Variants in OLA1 observed in about 807,000 individuals in gnomAD.
The protein encoded by OLA1 is Obg like ATPase 1.
OLA1 carries 14 observed loss-of-function variants against 48.4 expected under a neutral mutation model. That is an observed-to-expected ratio of 0.29 (90% CI 0.19 to 0.45). OLA1 has a LOEUF of 0.45. OLA1 is among the 20% of genes least tolerant of loss of function. The pLI is 1.00. For missense variants in OLA1, 325 were observed against 467.1 expected, an observed-to-expected ratio of 0.70 and a Z score of 2.80; for synonymous variants, 127 against 150.4, an observed-to-expected ratio of 0.84 and a Z score of 1.14.
chr2:174,214,003 T>C (rs896406670), intron 4 of OLA1, among the ~76,000 whole-genome samples: 2 of 151,058 alleles, frequency 1.3e-5, no homozygotes, highest in East Asian at 3.9e-4. Flanking sequence ...AAACCTACTT[T>C]CACCAAAAAA....
At chr2:174,119,165 C>T (rs1685851129) in intron 7 of OLA1, among the ~76,000 whole-genome samples, 1 of 151,112 alleles carries the variant, frequency 6.6e-6, no homozygotes, top group South Asian at 2.1e-4. Flanking sequence ...CCTTCCATCT[C>T]CTGTAATAAA....
intron 4 of OLA1, among the ~76,000 whole-genome samples, chr2:174,157,264 A>T (rs1216489715): frequency 6.6e-6 from 1 of 152,196 alleles, no homozygotes; most frequent in East Asian, 1.9e-4. Context: ...AGCGGAACAC[A>T]ACTAGTTTCT....
At chr2:174,188,053 C>A (rs1574537869) in intron 4 of OLA1, among the ~76,000 whole-genome samples, 1 of 152,102 alleles carries the variant, frequency 6.6e-6, no homozygotes, top group East Asian at 1.9e-4. Flanking sequence ...GTTAAACGGC[C>A]AAAATGGTTC....
intron 4 of OLA1, among the ~76,000 whole-genome samples, chr2:174,207,812 C>T (rs997264153): frequency 2.0e-5 from 3 of 152,134 alleles, no homozygotes; most frequent in South Asian, 4.1e-4. Flanking sequence ...TTAAGTCTAA[C>T]ATTGCAAATA....
intron 7 of OLA1, among the ~76,000 whole-genome samples, chr2:174,120,090 C>T (rs1396648823): frequency 6.6e-6 from 1 of 151,866 alleles, no homozygotes; most frequent in Non-Finnish European, 1.5e-5. Context: ...AAGGTAGGAT[C>T]ACAAAAATGA....
chr2:174,196,730 G>A (rs1574544149), intron 4 of OLA1, among the ~76,000 whole-genome samples: 2 of 152,258 alleles, frequency 1.3e-5, no homozygotes, highest in Non-Finnish European at 1.5e-5. Context: ...TAAGACAACA[G>A]GTGGTTTATA....
intron 4 of OLA1, among the ~76,000 whole-genome samples, chr2:174,167,065 G>A (rs1226918577): frequency 6.6e-6 from 1 of 150,936 alleles, no homozygotes; most frequent in Non-Finnish European, 1.5e-5. Context: ...TGAGTAAACT[G>A]AAAAAGAAGA....
At chr2:174,173,112 C>T (rs1687345099) in intron 4 of OLA1, among the ~76,000 whole-genome samples, 1 of 152,098 alleles carries the variant, frequency 6.6e-6, no homozygotes. Flanking sequence ...TATAAATTAC[C>T]CAGCTTCAGG....
At chr2:174,140,161 G>A (rs1686410927) in intron 5 of OLA1, among the ~76,000 whole-genome samples, 1 of 152,060 alleles carries the variant, frequency 6.6e-6, no homozygotes, top group South Asian at 2.1e-4. Context: ...CAACATTAAA[G>A]AAGAATAGGT....
At chr2:174,084,556 T>C (rs563952147) in intron 7 of OLA1, among the ~76,000 whole-genome samples, 41 of 152,360 alleles carry the variant, frequency 2.7e-4, no homozygotes, top group African/African-American at 8.7e-4. Flanking sequence ...TTCAAGATTA[T>C]AGACTGAAAT....
At chr2:174,215,252 T>G (rs1287418184) in intron 4 of OLA1, among the ~76,000 whole-genome samples, 1 of 152,194 alleles carries the variant, frequency 6.6e-6, no homozygotes, top group African/African-American at 2.4e-5. Context: ...TCTATAAGCA[T>G]GTTAAATTCA....
At position 174,201,687 on chromosome 2, in the gene OLA1, T is replaced by TTAA. The variant is rs567004478; in HGVS notation, c.373+21343_373+21345dup. 5.3e-5 allele frequency among the ~76,000 whole-genome samples: 8 copies of TTAA among 152,166 alleles called. No individual in the cohort carries two copies. In the South Asian group the frequency reaches 1.7e-3, roughly 32 times the overall value. Reference sequence around the variant, plus strand: ...GTACTTCATGCAAATCTTGAGAGAGTTAATAGATGTAATAATAAAGCCTTT... The same window carrying TTAA: ...GTACTTCATGCAAATCTTGAGAGAGTTAATAATAGATGTAATAATAAAGCCTTT... On this transcript the variant is annotated intron_variant, in intron 4 of 10. Coordinates refer to ENST00000284719, the MANE Select transcript of OLA1 (RefSeq NM_013341.5).
chr2:174,078,911 A>C, intron 10 of OLA1, 57 bp downstream of exon 10: 2 of 1,524,250 alleles, frequency 1.3e-6, no homozygotes, highest in Non-Finnish European at 1.8e-6. Context: ...TTTTATCATG[A>C]CTAACTTCGC....
chr2:174,108,325 T>C (rs774540359), intron 7 of OLA1, among the ~76,000 whole-genome samples: 3 of 152,136 alleles, frequency 2.0e-5, no homozygotes, highest in African/African-American at 4.8e-5. Context: ...AGATTAAAGA[T>C]AATGTAAGCA....
At chr2:174,178,877 C>T (rs957443876) in intron 4 of OLA1, among the ~76,000 whole-genome samples, 5 of 151,836 alleles carry the variant, frequency 3.3e-5, no homozygotes, top group Non-Finnish European at 5.9e-5. Context: ...AAAATTAAAA[C>T]TTTGCTCCTA....
At chr2:174,189,741 A>AT (rs914041576) in intron 4 of OLA1, among the ~76,000 whole-genome samples, 2 of 151,998 alleles carry the variant, frequency 1.3e-5, no homozygotes, top group African/African-American at 4.8e-5. Flanking sequence ...TTACTGATGC[A>AT]TTTTCTCTTT....
intron 4 of OLA1, among the ~76,000 whole-genome samples, chr2:174,159,630 A>G (rs1686966289): frequency 6.6e-6 from 1 of 152,186 alleles, no homozygotes; most frequent in Non-Finnish European, 1.5e-5. Context: ...TAAAATAAAT[A>G]CATGTTACTG....
chr2:174,174,286 T>C (rs77621463), intron 4 of OLA1, among the ~76,000 whole-genome samples: 80,495 of 151,504 alleles, frequency 0.53, 21,921 homozygotes, highest in East Asian at 0.95. Flanking sequence ...TCCTTTAAAA[T>C]ATTTTTAGCA....
intron 4 of OLA1, among the ~76,000 whole-genome samples, chr2:174,196,409 T>G (rs895356199): frequency 2.0e-5 from 3 of 152,164 alleles, no homozygotes; most frequent in Non-Finnish European, 4.4e-5. Context: ...GAGAAATACC[T>G]TTAATATTAC....
Sources: gnomAD v4.1 joint callset for allele counts (sites outside exome capture counted in the v4.1 genomes callset) on GRCh38, gnomAD v4.1.1 for gene constraint, MANE v1.5 for transcripts, NCBI Gene and HGNC (gene_info 2026-07-23, HGNC 2026-07-21) for gene names.